Variants in TLE4 observed in about 807,000 individuals in gnomAD.
The protein encoded by TLE4 is transducin-like enhancer protein 4.
TLE4 carries 8 observed loss-of-function variants against 92.8 expected under a neutral mutation model. The ratio of observed to expected loss-of-function variants is 0.09; its 90% CI spans 0.05 to 0.16. The LOEUF is 0.16. Ranked by LOEUF, TLE4 falls within the 10% of genes least tolerant of loss-of-function variation. The pLI is 1.00. For missense variants in TLE4, 675 were observed against 997.6 expected (o/e 0.68, Z 4.36); for synonymous variants, 371 against 374.1 (o/e 0.99, Z 0.10).
chr9:79,674,130 C>T lies in TLE4; in HGVS notation c.609+20055C>T, dbSNP rs140726709. Among the ~76,000 whole-genome samples the T allele has an allele frequency of 8.7e-4, 133 of 152,248 alleles. 1 individual carries two copies. The highest frequency in any genetic ancestry group is 6.8e-3 in the Middle Eastern group (2 of 294). On this transcript the variant is annotated intron_variant, in intron 8 of 19. Transcript: ENST00000376552. ...TTTAAGGAAAACCACTAGAAGGCTGCTTAGTATAGAGTGAAAACCATGTGC... is the reference window on the plus strand; with the variant it reads ...TTTAAGGAAAACCACTAGAAGGCTGTTTAGTATAGAGTGAAAACCATGTGC...
chr9:79,603,923 T>G (rs2046250786), intron 4 of TLE4, among the ~76,000 whole-genome samples: 1 of 152,204 alleles, frequency 6.6e-6, no homozygotes, highest in African/African-American at 2.4e-5. Context: ...CAGCATCACC[T>G]TAAAATTTGT....
At position 79,577,436 on chromosome 9, in the gene TLE4, A is replaced by G. The variant is rs193232709; in HGVS notation, c.252+1259A>G. Among the ~76,000 whole-genome samples the G allele has an allele frequency of 7.9e-5, 12 of 152,334 alleles. No individual in the cohort carries two copies. The South Asian group carries it at 1.4e-3, about 18-fold the overall frequency. ...CTTTGTATGCTATTTGGTTATGTCA[A>G]TATTAGCATTATAGTATAGTTTGAA... On this transcript the variant is annotated intron_variant, in intron 4 of 19. Transcript: ENST00000376552.
chr9:79,574,853 G>GTC lies in TLE4; in HGVS notation c.144-19_144-18insCT. Reference sequence around the variant, plus strand: ...GTAAGTTAAGATCATTGTACTTAGAGTATCTTATGTCTTGAACAGTCTGAA... The same window carrying GTC: ...GTAAGTTAAGATCATTGTACTTAGAGTCTATCTTATGTCTTGAACAGTCTGAA... On this transcript the variant is annotated intron_variant, in intron 2 of 19. Coordinates refer to ENST00000376552, the MANE Select transcript of TLE4 (RefSeq NM_007005.6). The GTC allele has an allele frequency of 1.2e-6, 2 of 1,604,894 alleles. No individual in the cohort carries two copies. Among genetic ancestry groups the GTC allele is most frequent in the Non-Finnish European group, 1.7e-6 (2 of 1,172,524 alleles).
chr9:79,694,201 C>T (rs773075419), intron 8 of TLE4, among the ~76,000 whole-genome samples: 1 of 152,050 alleles, frequency 6.6e-6, no homozygotes, highest in African/African-American at 2.4e-5. Context: ...GAAACAGGAG[C>T]GATAGACCAG....
chr9:79,614,151 T>G (rs2048975467), intron 5 of TLE4, among the ~76,000 whole-genome samples: 1 of 152,140 alleles, frequency 6.6e-6, no homozygotes. Context: ...TTTAAGCAGC[T>G]CTGCTTTATG....
At chr9:79,704,552 G>GT (rs1565058653) in intron 8 of TLE4, 2 of 515,888 alleles carry the variant, frequency 3.9e-6, no homozygotes, top group East Asian at 3.2e-5. Context: ...GCCTCTTCTC[G>GT]TTTTTTCTTT....
chr9:79,633,553 T>A (rs1348390368), intron 6 of TLE4, among the ~76,000 whole-genome samples: 2 of 151,996 alleles, frequency 1.3e-5, no homozygotes, highest in Admixed American at 1.3e-4. Context: ...AGAAAGTAGT[T>A]CTCCCAGATC....
At chr9:79,635,646 C>G (rs1357394332) in intron 6 of TLE4, among the ~76,000 whole-genome samples, 1 of 149,804 alleles carries the variant, frequency 6.7e-6, no homozygotes, top group East Asian at 2.0e-4. Context: ...GCTATCCTTT[C>G]TCCATTGATT....
chr9:79,670,233 A>G (rs2062068931), intron 8 of TLE4, among the ~76,000 whole-genome samples: 1 of 152,130 alleles, frequency 6.6e-6, no homozygotes, highest in Non-Finnish European at 1.5e-5. Flanking sequence ...AGAAGACAAT[A>G]AGGCAAGAAG....
chr9:79,684,049 A>G (rs981834146), intron 8 of TLE4, among the ~76,000 whole-genome samples: 2 of 152,202 alleles, frequency 1.3e-5, no homozygotes, highest in Non-Finnish European at 2.9e-5. Flanking sequence ...ATTTTCATCT[A>G]TTTCTAATAT....
chr9:79,601,773 G>A (rs942763264), intron 4 of TLE4, among the ~76,000 whole-genome samples: 57 of 152,226 alleles, frequency 3.7e-4, no homozygotes, highest in Middle Eastern at 6.8e-3. Context: ...GGGCCTCTAA[G>A]TGTACAAATG....
chr9:79,580,812 A>C (rs187298068), intron 4 of TLE4, among the ~76,000 whole-genome samples: 2 of 152,252 alleles, frequency 1.3e-5, no homozygotes. Flanking sequence ...AGTAACTAAT[A>C]AATGAAGATT....
intron 8 of TLE4, among the ~76,000 whole-genome samples, chr9:79,695,356 C>CAT (rs2068004249): frequency 6.6e-6 from 1 of 151,778 alleles, no homozygotes; most frequent in African/African-American, 2.4e-5. Context: ...ATATCTCACA[C>CAT]ACACACACAC....
intron 6 of TLE4, among the ~76,000 whole-genome samples, chr9:79,645,028 A>C (rs150000915): frequency 6.3e-4 from 96 of 152,292 alleles, no homozygotes; most frequent in African/African-American, 2.2e-3. Context: ...TTGGGGTACC[A>C]AAAACTCCAT....
rs35528090 is a variant in TLE4 at position 79,690,779 on chromosome 9, CTTTTTTTTTTTT to C, written c.610-13987_610-13976del. 5.1e-3 allele frequency among the ~76,000 whole-genome samples: 275 copies of C among 54,168 alleles called. 2 individuals carry two copies. Among genetic ancestry groups the C allele is most frequent in the African/African-American group, 0.014 (207 of 14,630 alleles). 35.5% of individuals were successfully genotyped at this position (54,168 alleles called of 152,430 possible). On this transcript the variant is annotated intron_variant, in intron 8 of 19. Coordinates refer to ENST00000376552, the MANE Select transcript of TLE4 (RefSeq NM_007005.6). ...TATAGGAATGTGCCACCACTCCTGG[CTTTTTTTTTTTT>C]TTTTTTTTTTTTTTTTGTATTTTCT...
chr9:79,668,327 A>G (rs1333754028), intron 8 of TLE4, among the ~76,000 whole-genome samples: 1 of 152,198 alleles, frequency 6.6e-6, no homozygotes. Flanking sequence ...GGGAACAAAT[A>G]AAGTGGTGAG....
At chr9:79,578,526 G>A (rs2038655709) in intron 4 of TLE4, among the ~76,000 whole-genome samples, 1 of 152,160 alleles carries the variant, frequency 6.6e-6, no homozygotes, top group Non-Finnish European at 1.5e-5. Context: ...AAAGATAAAA[G>A]TATGAAGCAA....
chr9:79,595,742 A>G lies in TLE4; in HGVS notation c.253-16914A>G, dbSNP rs184535532. 9.8e-4 allele frequency among the ~76,000 whole-genome samples: 150 copies of G among 152,344 alleles called. 1 individual carries two copies. The highest frequency in any genetic ancestry group is 5.7e-3 in the Admixed American group (88 of 15,308). ...AGTAGTAGCTTCTTACAGAAGCTGT[A>G]AGAAGCACTGCAGTTTGTGCTTTGG... On this transcript the variant is annotated intron_variant, in intron 4 of 19. Coordinates refer to ENST00000376552, the MANE Select transcript of TLE4 (RefSeq NM_007005.6).
At chr9:79,700,843 C>A (rs1020451153) in intron 8 of TLE4, among the ~76,000 whole-genome samples, 1 of 151,904 alleles carries the variant, frequency 6.6e-6, no homozygotes, top group Non-Finnish European at 1.5e-5. Context: ...TGCTGAGATA[C>A]ACACACACAT....
Sources: gnomAD v4.1 joint callset for allele counts (sites outside exome capture counted in the v4.1 genomes callset) on GRCh38, gnomAD v4.1.1 for gene constraint, MANE v1.5 for transcripts, NCBI Gene and HGNC (gene_info 2026-07-23, HGNC 2026-07-21) for gene names.